TNNT1: variants seen among roughly 807,000 people sequenced by gnomAD.
The protein encoded by TNNT1 is troponin T1, slow skeletal type, also known as troponin T, slow skeletal muscle.
Under a neutral mutation model 50.6 loss-of-function variants are expected in TNNT1, and 53 were observed. The ratio of observed to expected loss-of-function variants is 1.05; its 90% confidence interval spans 0.84 to 1.32. The LOEUF is 1.32. TNNT1 is among the 40% of genes most tolerant of loss of function. The probability of loss-of-function intolerance (pLI) is 0.00; values close to 1 mark genes in which losing one functional copy is unlikely to be tolerated. For synonymous variants in TNNT1, 142 were observed against 138.0 expected (o/e 1.03, Z -0.20); for missense variants, 348 against 381.7 (o/e 0.91, Z 0.74).
rs1436938314 is a variant in TNNT1 at position 55,146,439 on chromosome 19, T to C, written c.101A>G (p.Glu34Gly). 7.4e-7 allele frequency: 1 copy of C among 1,360,340 alleles called. No homozygotes were observed. Among genetic ancestry groups the C allele is most frequent in the South Asian group, 1.8e-5 (1 of 56,192 alleles). The allele number at this position is 1,360,340 out of a possible 1,614,324, so 84.3% of individuals were successfully genotyped here. Residue 34 changes from glutamate (E) to glycine (G), a missense_variant, in exon 5 of 14, where the codon GAG (glutamate) becomes GGG (glycine). Transcript: ENST00000588981. ...EAPEEPEPVA[E>G]PEEERPKPSR... ...AGCGAAGCAGCCGCGGTTACCTGGC[T>C]CTGCCACCGGCTCCGGCTCTTCGGG... is the stretch of plus-strand genomic sequence containing the variant.
intron 1 of TNNT1, among the ~76,000 whole-genome samples, chr19:55,148,888 C>T (rs2085629244): frequency 6.6e-6 from 1 of 151,996 alleles, no homozygotes; most frequent in African/African-American, 2.4e-5. Context: ...CCCCAGATTC[C>T]CAGAACCCCA....
chr19:55,133,526 A>T (rs1192644631), intron 13 of TNNT1: 1 of 359,720 alleles, frequency 2.8e-6, no homozygotes, highest in African/African-American at 2.1e-5. Context: ...AAAAATACAA[A>T]AATTAGCCAC....
rs1440118766 is a variant in TNNT1, at chr19:55,147,126, TC to T, written c.31del (p.Glu11ArgfsTer40). 6.2e-7 allele frequency: 1 copy of T among 1,613,664 alleles called. No individual in the cohort carries two copies. Among genetic ancestry groups the T allele is most frequent in the African/African-American group, 1.3e-5 (1 of 74,882 alleles). ...CAACCCCTCCCAGTGCAGCACTCACTCCTCATATTCCTGCTCCTCGGTGTCC... is the reference window on the plus strand; with the variant it reads ...CAACCCCTCCCAGTGCAGCACTCACTCTCATATTCCTGCTCCTCGGTGTCC... Reference protein sequence around the residue: MSDTEEQEYEEEQPEEEAAEE... With the variant: MSDTEEQEYEXEQPEEEAAEE... On this transcript the variant is annotated frameshift_variant and splice_region_variant, in exon 2 of 14. Coordinates refer to ENST00000588981, the MANE Select transcript of TNNT1 (RefSeq NM_003283.6). LOFTEE classifies it high-confidence loss of function.
At chr19:55,146,824 A>G in intron 3 of TNNT1, 117 bp from the exon 4 acceptor site, 2 of 1,163,006 alleles carry the variant, frequency 1.7e-6, no homozygotes, top group South Asian at 1.6e-5. Flanking sequence ...CTCGGCTGCG[A>G]TGGGCACGTT....
At chr19:55,138,882 T>C (rs2085402821) in intron 9 of TNNT1, among the ~76,000 whole-genome samples, 1 of 152,190 alleles carries the variant, frequency 6.6e-6, no homozygotes, top group Non-Finnish European at 1.5e-5. Flanking sequence ...CATTACGACA[T>C]TCGAGAAACT....
intron 1 of TNNT1, among the ~76,000 whole-genome samples, chr19:55,148,859 C>G (rs950115614): frequency 6.6e-6 from 1 of 152,048 alleles, no homozygotes; most frequent in Admixed American, 6.6e-5. Flanking sequence ...GTCCAGATAT[C>G]CCTGACTGCT....
intron 11 of TNNT1, among the ~76,000 whole-genome samples, chr19:55,136,365 G>A (rs530158361): frequency 4.6e-5 from 7 of 152,216 alleles, no homozygotes; most frequent in African/African-American, 1.7e-4. Flanking sequence ...GGAATTACAG[G>A]CATGAGCCAC....
chr19:55,145,375 G>A (rs987429126), intron 6 of TNNT1, 169 bp downstream of exon 6: 5 of 673,794 alleles, frequency 7.4e-6, no homozygotes, highest in Admixed American at 6.7e-5. Flanking sequence ...GAGGAGGAGG[G>A]AGAGGAGGGA....
intron 6 of TNNT1, among the ~76,000 whole-genome samples, chr19:55,144,213 GC>G (rs1181246303): frequency 6.6e-6 from 1 of 151,822 alleles, no homozygotes; most frequent in East Asian, 1.9e-4. Flanking sequence ...GATTACAGGT[GC>G]CCACCACAAT....
intron 11 of TNNT1, among the ~76,000 whole-genome samples, chr19:55,136,773 T>C (rs1237053861): frequency 1.3e-5 from 2 of 152,130 alleles, no homozygotes; most frequent in Admixed American, 1.3e-4. Flanking sequence ...GGCTTGAATT[T>C]AGGTAAAAGG....
At chr19:55,141,987 A>C in intron 6 of TNNT1, 67 bp from the exon 7 acceptor site, 1 of 1,549,684 alleles carries the variant, frequency 6.5e-7, no homozygotes, top group East Asian at 2.2e-5. Flanking sequence ...CACCTCCGGG[A>C]TGTGCCGTCC....
chr19:55,146,628 C>CCCCTG, intron 4 of TNNT1, 53 bp downstream of exon 4: 1 of 1,252,312 alleles, frequency 8.0e-7, no homozygotes, highest in Non-Finnish European at 1.1e-6. Flanking sequence ...CCGGGCCCAG[C>CCCCTG]GTCCCCGCCC....
intron 9 of TNNT1, among the ~76,000 whole-genome samples, chr19:55,138,711 T>C (rs771313385): frequency 5.9e-5 from 9 of 152,190 alleles, no homozygotes; most frequent in Middle Eastern, 3.2e-3. Context: ...CTCCAGATGC[T>C]CAGCCTGTCT....
chr19:55,147,530 G>A (rs2085592147), intron 1 of TNNT1, among the ~76,000 whole-genome samples: 1 of 136,166 alleles, frequency 7.3e-6, no homozygotes, highest in South Asian at 2.6e-4. Flanking sequence ...CTGGGGTCCT[G>A]AACTCCTGGA....
chr19:55,139,835 T>C (rs574269999), intron 9 of TNNT1, among the ~76,000 whole-genome samples: 102 of 151,226 alleles, frequency 6.7e-4, no homozygotes, highest in African/African-American at 2.4e-3. Context: ...GTAATAATGA[T>C]GACAATGGCC....
rs2085629911 is a variant in TNNT1 at position 55,148,929 on chromosome 19, C to T, written c.-12+232G>A. On this transcript the variant is annotated intron_variant, in intron 1 of 13. Coordinates refer to ENST00000588981, the MANE Select transcript of TNNT1 (RefSeq NM_003283.6). ...CTAGGAGGTTTTATTCTGGGACATC[C>T]AAGTCCTGGCAGCCCCGGGTTAGGA... Among the ~76,000 whole-genome samples, 4 of 152,060 alleles carry T rather than the reference C, an allele frequency of 2.6e-5. No individual in the cohort carries two copies. The South Asian group carries it at 8.3e-4, about 32-fold the overall frequency.
intron 11 of TNNT1, among the ~76,000 whole-genome samples, chr19:55,136,113 C>T (rs1042313102): frequency 5.9e-5 from 9 of 152,176 alleles, no homozygotes; most frequent in Non-Finnish European, 8.8e-5. Flanking sequence ...GGTTCAAATC[C>T]CAGCTCTTCC....
chr19:55,147,190 C>T (rs751378513), intron 1 of TNNT1, 22 bp from the exon 2 acceptor site: 29 of 1,611,326 alleles, frequency 1.8e-5, no homozygotes, highest in Non-Finnish European at 2.4e-5. Context: ...AGAGAAGAGG[C>T]CCAGTGGGGT....
In TNNT1 at chr19:55,140,814, A is replaced by AATAATC. The variant is rs1599882174; in HGVS notation, c.387+68_387+69insGATTAT. On this transcript the variant is annotated intron_variant, in intron 9 of 13. Coordinates refer to ENST00000588981, the MANE Select transcript of TNNT1 (RefSeq NM_003283.6). ...TAATAGTAATAATAATAATAATAAT[A>AATAATC]ATAATAACAAAATGGGCATCCGGCT... 9 of 1,075,178 alleles carry AATAATC rather than the reference A, an allele frequency of 8.4e-6. No homozygotes were observed. The East Asian group carries it at 2.3e-4, about 27-fold the overall frequency. 66.6% of individuals were successfully genotyped at this position (1,075,178 alleles called of 1,614,324 possible).
Sources: gnomAD v4.1 joint callset for allele counts (sites outside exome capture counted in the v4.1 genomes callset) on GRCh38, gnomAD v4.1.1 for gene constraint, MANE v1.5 for transcripts, NCBI Gene and HGNC (gene_info 2026-07-23, HGNC 2026-07-21) for gene names.